Variants in SDHC observed in about 807,000 individuals in gnomAD.
SDHC encodes the protein succinate dehydrogenase cytochrome b560 subunit, mitochondrial.
A neutral mutation model predicts 22.6 loss-of-function variants in SDHC; 11 were observed. That is an observed-to-expected ratio of 0.49 (90% CI 0.31 to 0.81). SDHC has a LOEUF of 0.81. Among genes scored for constraint, SDHC ranks in the 30% least tolerant of loss-of-function variants. The pLI, the probability that SDHC is intolerant of heterozygous loss-of-function variation, is 0.05. For synonymous variants in SDHC, 80 were observed against 77.8 expected, an observed-to-expected ratio of 1.03 and a Z score of -0.15; for missense variants, 160 against 212.0, an observed-to-expected ratio of 0.75 and a Z score of 1.52.
intron 4 of SDHC, among the ~76,000 whole-genome samples, chr1:161,344,630 A>G (rs2102344546): frequency 6.6e-6 from 1 of 152,276 alleles, no homozygotes; most frequent in South Asian, 2.1e-4. Context: ...TTTTCTTCAA[A>G]TGTTGAAGGT....
chr1:161,320,312 A>G (rs1159487661), intron 1 of SDHC, among the ~76,000 whole-genome samples: 2 of 152,170 alleles, frequency 1.3e-5, no homozygotes, highest in Non-Finnish European at 2.9e-5. Context: ...GAACTTTTGT[A>G]TACAAATTAT....
At chr1:161,319,977 T>C (rs573273394) in intron 1 of SDHC, among the ~76,000 whole-genome samples, 9 of 152,342 alleles carry the variant, frequency 5.9e-5, no homozygotes, top group Admixed American at 1.3e-4. Context: ...GATCTTATAC[T>C]GTAAGCAGCG....
At chr1:161,339,696 CAG>C (rs1671650243) in intron 3 of SDHC, 1 of 184,702 alleles carries the variant, frequency 5.4e-6, no homozygotes, top group Non-Finnish European at 7.7e-6. Flanking sequence ...TTTTTGGAGA[CAG>C]AGTTTCACTC....
chr1:161,362,260 T>C (rs1187578531), intron 5 of SDHC, 69 bp from the exon 6 acceptor site: 13 of 1,543,200 alleles, frequency 8.4e-6, no homozygotes, highest in Non-Finnish European at 1.1e-5. Context: ...TAGAATTACT[T>C]TCTGAGACAG....
At position 161,356,876 on chromosome 1, in the gene SDHC, A is replaced by G. The variant is rs553800744; in HGVS notation, c.405+36A>G. ...TCGGGATTTGCACATTTTCTCTGTGAAGGGAGTGGGGAGACTGGGAGGATT... is the reference window on the plus strand; with the variant it reads ...TCGGGATTTGCACATTTTCTCTGTGGAGGGAGTGGGGAGACTGGGAGGATT... On this transcript the variant is annotated intron_variant, in intron 5 of 5. Transcript: ENST00000367975. The G allele has an allele frequency of 8.3e-5, 132 of 1,598,976 alleles. No homozygotes were observed. The highest frequency in any genetic ancestry group is 1.7e-4 in the Middle Eastern group (1 of 6,024).
At chr1:161,329,457 G>T (rs1463574943) in intron 3 of SDHC, among the ~76,000 whole-genome samples, 2 of 151,982 alleles carry the variant, frequency 1.3e-5, no homozygotes, top group Non-Finnish European at 2.9e-5. Flanking sequence ...TCAGCCTCCT[G>T]AGTAGCTGGG....
At chr1:161,349,306 T>G (rs1479028798) in intron 4 of SDHC, among the ~76,000 whole-genome samples, 4 of 151,742 alleles carry the variant, frequency 2.6e-5, no homozygotes, top group Non-Finnish European at 4.4e-5. Flanking sequence ...CTACTAAAAA[T>G]ATAAAAAATT....
At chr1:161,345,620 C>A (rs1671865101) in intron 4 of SDHC, among the ~76,000 whole-genome samples, 1 of 151,900 alleles carries the variant, frequency 6.6e-6, no homozygotes, top group African/African-American at 2.4e-5. Context: ...CCACGCCTGG[C>A]TAATTTTTTG....
chr1:161,358,698 G>A (rs985862613), intron 5 of SDHC, among the ~76,000 whole-genome samples: 1 of 151,910 alleles, frequency 6.6e-6, no homozygotes. Context: ...AGGCCGAGGC[G>A]GGCGGATAAT....
chr1:161,341,862 GGCTTA>G (rs1310206699), intron 4 of SDHC, among the ~76,000 whole-genome samples: 2 of 151,762 alleles, frequency 1.3e-5, no homozygotes, highest in Middle Eastern at 3.2e-3. Context: ...GTTCCCTGAG[GGCTTA>G]GACTGCATCT....
chr1:161,339,494 A>G, intron 3 of SDHC: 1 of 832,234 alleles, frequency 1.2e-6, no homozygotes, highest in Non-Finnish European at 1.7e-6. Context: ...AACTTTAATG[A>G]GTGTCTTTGA....
intron 3 of SDHC, among the ~76,000 whole-genome samples, chr1:161,339,881 TG>T (rs1671658056): frequency 2.6e-5 from 4 of 151,952 alleles, no homozygotes; most frequent in Middle Eastern, 6.8e-3. Flanking sequence ...GGTTTCTCCA[TG>T]TTGGTCAGGC....
chr1:161,330,825 C>A (rs948038599), intron 3 of SDHC, among the ~76,000 whole-genome samples: 2 of 151,880 alleles, frequency 1.3e-5, no homozygotes, highest in African/African-American at 4.8e-5. Context: ...CATGGTGAAA[C>A]CCTGTCTCTA....
At chr1:161,350,918 C>T (rs1672079798) in intron 4 of SDHC, among the ~76,000 whole-genome samples, 1 of 152,072 alleles carries the variant, frequency 6.6e-6, no homozygotes, top group East Asian at 1.9e-4. Flanking sequence ...TGGGTTTGAC[C>T]TGCCTCTTGG....
intron 1 of SDHC, among the ~76,000 whole-genome samples, chr1:161,320,641 CCA>C (rs1169525578): frequency 6.6e-6 from 1 of 151,836 alleles, no homozygotes; most frequent in Non-Finnish European, 1.5e-5. Flanking sequence ...CTCGGGGAGA[CCA>C]GTGATAATAT....
intron 5 of SDHC, among the ~76,000 whole-genome samples, chr1:161,358,032 C>CTT (rs34253350): frequency 0.068 from 7,146 of 104,802 alleles, 371 homozygotes; most frequent in East Asian, 0.14. Flanking sequence ...GGTTAGGAAT[C>CTT]TTTTTTTTTT....
intron 3 of SDHC, among the ~76,000 whole-genome samples, chr1:161,334,504 T>G (rs1366347979): frequency 6.6e-6 from 1 of 152,178 alleles, no homozygotes; most frequent in Admixed American, 6.5e-5. Flanking sequence ...TGGGGCATGA[T>G]CATGGCTTAC....
At chr1:161,328,639 AG>A (rs1315169345) in intron 3 of SDHC, 142 bp downstream of exon 3, 1 of 687,844 alleles carries the variant, frequency 1.5e-6, no homozygotes, top group Non-Finnish European at 2.7e-6. Context: ...TTCAGGGTAG[AG>A]GGAGATGACA....
At chr1:161,336,023 A>G (rs1671468836) in intron 3 of SDHC, among the ~76,000 whole-genome samples, 1 of 152,144 alleles carries the variant, frequency 6.6e-6, no homozygotes, top group African/African-American at 2.4e-5. Flanking sequence ...CACAAATACC[A>G]TAACCCTTCA....
Sources: allele counts gnomAD v4.1 joint callset (sites outside exome capture counted in the v4.1 genomes callset), GRCh38; gene constraint gnomAD v4.1.1; transcripts MANE v1.5; gene names NCBI Gene and HGNC (gene_info 2026-07-23, HGNC 2026-07-21).